The following BTBD7 variants were observed in gnomAD, a reference collection of about 807,000 sequenced individuals.
BTBD7 encodes BTB domain containing 7.
A neutral mutation model predicts 99.9 loss-of-function variants in BTBD7; 38 were observed. The observed-to-expected ratio is 0.38, with a 90% CI of 0.29 to 0.50. The LOEUF (loss-of-function observed/expected upper bound fraction) is 0.50. BTBD7 is among the 20% of genes least tolerant of loss of function. The probability of loss-of-function intolerance (pLI) is 0.93; values close to 1 mark genes in which losing one functional copy is unlikely to be tolerated. For missense variants in BTBD7, 1,170 were observed against 1,394.6 expected (o/e 0.84, Z 2.57); for synonymous variants, 520 against 511.4 (o/e 1.02, Z -0.23).
intron 3 of BTBD7, among the ~76,000 whole-genome samples, chr14:93,285,925 G>A (rs528339346): frequency 1.3e-5 from 2 of 152,304 alleles, no homozygotes; most frequent in African/African-American, 4.8e-5. Flanking sequence ...CAGTGTTGCT[G>A]GGAAAAGCTG....
intron 3 of BTBD7, among the ~76,000 whole-genome samples, chr14:93,267,697 G>C (rs1037301588): frequency 5.3e-5 from 8 of 152,188 alleles, no homozygotes; most frequent in African/African-American, 1.9e-4. Flanking sequence ...CAAAGGCAGA[G>C]ATCTCAGTAC....
At chr14:93,287,932 G>A (rs1406121250) in intron 3 of BTBD7, 2 of 152,300 alleles carry the variant, frequency 1.3e-5, no homozygotes, top group African/African-American at 4.8e-5. Flanking sequence ...AGGTATGACT[G>A]AAAAATGCCT....
At chr14:93,263,639 A>T (rs1237534631) in intron 4 of BTBD7, 146 bp downstream of exon 4, 3 of 693,308 alleles carry the variant, frequency 4.3e-6, no homozygotes, top group African/African-American at 3.6e-5. Context: ...TTTGTTGTAC[A>T]ACTATGAAGA....
intron 1 of BTBD7, 142 bp from the exon 2 acceptor site, chr14:93,296,299 G>A: frequency 1.8e-6 from 1 of 553,942 alleles, no homozygotes; most frequent in South Asian, 4.9e-5. Flanking sequence ...TTCATAAAAT[G>A]TAAATCTTTA....
intron 1 of BTBD7, among the ~76,000 whole-genome samples, chr14:93,303,565 G>T (rs2053031249): frequency 6.6e-6 from 1 of 152,228 alleles, no homozygotes; most frequent in South Asian, 2.1e-4. Flanking sequence ...GTCTGACCTG[G>T]ACTAGACGAA....
chr14:93,320,322 T>C (rs8018694), intron 1 of BTBD7, among the ~76,000 whole-genome samples: 11,967 of 152,118 alleles, frequency 0.079, 1,011 homozygotes, highest in African/African-American at 0.21. Flanking sequence ...TTGCCACAAC[T>C]GGACAGGGGA....
intron 1 of BTBD7, among the ~76,000 whole-genome samples, chr14:93,316,405 G>A (rs2053207356): frequency 1.3e-5 from 2 of 151,906 alleles, no homozygotes; most frequent in Admixed American, 6.6e-5. Flanking sequence ...ATGCACCACT[G>A]TGCCCAGCTA....
chr14:93,248,455 C>A, intron 9 of BTBD7, 21 bp downstream of exon 9: 3 of 1,609,860 alleles, frequency 1.9e-6, no homozygotes, highest in Non-Finnish European at 2.5e-6. Flanking sequence ...CTATTTTAAA[C>A]AGTTTAATGT....
intron 6 of BTBD7, among the ~76,000 whole-genome samples, chr14:93,254,435 A>G (rs1222068351): frequency 1.3e-5 from 2 of 152,114 alleles, no homozygotes; most frequent in African/African-American, 4.8e-5. Flanking sequence ...TTCAGTCCCC[A>G]CCCAACTCCT....
intron 3 of BTBD7, among the ~76,000 whole-genome samples, chr14:93,287,106 G>A (rs920212199): frequency 2.0e-5 from 3 of 151,988 alleles, no homozygotes; most frequent in South Asian, 2.1e-4. Flanking sequence ...GCAGGCACCT[G>A]TAATCCCAGC....
intron 1 of BTBD7, among the ~76,000 whole-genome samples, chr14:93,300,086 CTG>C (rs1393573207): frequency 6.6e-6 from 1 of 152,092 alleles, no homozygotes; most frequent in African/African-American, 2.4e-5. Flanking sequence ...TCGGTTATCT[CTG>C]TGTCACTAAT....
Position 93,242,693 on chromosome 14 carries a change from T to G in BTBD7, c.2979A>C (p.Leu993=), listed in dbSNP as rs1232306970. 10 of 1,614,126 alleles carry G rather than the reference T, an allele frequency of 6.2e-6. No individual in the cohort carries two copies. The highest frequency in any genetic ancestry group is 4.4e-5 in the South Asian group (4 of 91,078). The change falls in exon 11 of 11, where the codon CTA becomes CTC. Residue 993 remains leucine, a synonymous_variant. Transcript: ENST00000334746. ...ASPSGLKSAY[L]PGQTSPKKQE... ...GTTTTTTAGGAGACGTCTGACCAGG[T>G]AGGTAGGCTGACTTTAAGCCACTTG...
intron 3 of BTBD7, among the ~76,000 whole-genome samples, chr14:93,287,005 A>G (rs979275222): frequency 6.6e-6 from 1 of 152,114 alleles, no homozygotes; most frequent in African/African-American, 2.4e-5. Flanking sequence ...AGGCGGGTGG[A>G]TCACCTGAGG....
intron 1 of BTBD7, among the ~76,000 whole-genome samples, chr14:93,315,953 T>A (rs2053199244): frequency 1.6e-4 from 2 of 12,858 alleles, no homozygotes; most frequent in African/African-American, 1.2e-3. Context: ...AAATGTATCT[T>A]TTTTTTTTTT....
chr14:93,330,763 G>T (rs1336564957), intron 1 of BTBD7, among the ~76,000 whole-genome samples: 1 of 152,164 alleles, frequency 6.6e-6, no homozygotes, highest in South Asian at 2.1e-4. Context: ...TCTGAAATCA[G>T]AATAACTTTG....
intron 7 of BTBD7, among the ~76,000 whole-genome samples, chr14:93,252,595 G>A (rs188789195): frequency 1.4e-3 from 214 of 150,976 alleles, no homozygotes; most frequent in Non-Finnish European, 2.7e-3. Flanking sequence ...GGCTGCTCTT[G>A]AACTCCTGGA....
intron 1 of BTBD7, among the ~76,000 whole-genome samples, chr14:93,297,159 G>A (rs957821043): frequency 3.3e-5 from 5 of 152,080 alleles, no homozygotes; most frequent in African/African-American, 1.2e-4. Context: ...TGAAAAACAC[G>A]TACACAAATT....
At chr14:93,322,015 T>C (rs568407467) in intron 1 of BTBD7, among the ~76,000 whole-genome samples, 60 of 152,260 alleles carry the variant, frequency 3.9e-4, no homozygotes, top group Non-Finnish European at 7.1e-4. Flanking sequence ...TATTTCTATA[T>C]AGAGTGCAGC....
At chr14:93,276,870 CGACACA>C (rs2052661120) in intron 3 of BTBD7, among the ~76,000 whole-genome samples, 1 of 149,534 alleles carries the variant, frequency 6.7e-6, no homozygotes, top group South Asian at 2.1e-4. Context: ...CTTCAAGCCA[CGACACA>C]CACACACACA....
Sources: allele counts gnomAD v4.1 joint callset (sites outside exome capture counted in the v4.1 genomes callset), GRCh38; gene constraint gnomAD v4.1.1; transcripts MANE v1.5; gene names NCBI Gene and HGNC (gene_info 2026-07-23, HGNC 2026-07-21).